The following NOTCH4 variants were observed in gnomAD, a reference collection of about 807,000 sequenced individuals.
NOTCH4 encodes the protein neurogenic locus notch homolog protein 4.
In NOTCH4, 138 loss-of-function variants were observed where a neutral mutation model predicts 189.0. That is an observed-to-expected ratio of 0.73 (90% CI 0.64 to 0.84). The LOEUF (loss-of-function observed/expected upper bound fraction) is 0.84, where lower values mean the gene tolerates loss of function less well. Ranked by LOEUF, NOTCH4 falls within the 40% of genes least tolerant of loss-of-function variation. NOTCH4 has a pLI of 0.00. For synonymous variants in NOTCH4, 942 were observed against 1,032.8 expected (o/e 0.91, Z 1.69); for missense variants, 2,286 against 2,605.4 (o/e 0.88, Z 2.67).
chr6:32,202,105 G>A lies in NOTCH4; in HGVS notation c.3726C>T (p.Gly1242=), dbSNP rs1007307088. 6 of 1,491,300 alleles carry A rather than the reference G, an allele frequency of 4.0e-6. No individual in the cohort carries two copies. Among genetic ancestry groups the A allele is most frequent in the Non-Finnish European group, 5.4e-6 (6 of 1,117,016 alleles). 92.4% of individuals were successfully genotyped at this position (1,491,300 alleles called of 1,614,324 possible). ...QCDSEECLFD[G]YDCETPPACT... is the part of the protein sequence containing the mutation. ...AGGCTGGAGGGGTCTCACAGTCGTA[G>A]CCATCAAACAGACACTCTTCAGAGT... The change falls in exon 21 of 30, where the codon GGC becomes GGT. Residue 1242 remains glycine, a synonymous_variant. Transcript: ENST00000375023. The surrounding 1 kb of genome is among the most constrained non-coding windows in gnomAD (Gnocchi z 5.7).
chr6:32,217,111 C>T lies in NOTCH4; in HGVS notation c.1738+42G>A, dbSNP rs989039283. 4.3e-6 allele frequency: 7 copies of T among 1,612,950 alleles called. No individual in the cohort carries two copies. Among genetic ancestry groups the T allele is most frequent in the Non-Finnish European group, 5.9e-6 (7 of 1,180,010 alleles). ...GTCAGGGACCTGCACGGATGTCTGC[C>T]TCCTGCTCCCGCTGTCCCCCACAGT... On this transcript the variant is annotated intron_variant, in intron 10 of 29. Transcript: ENST00000375023. This position sits in a 1 kb window ranked among gnomAD's most constrained non-coding sequence, Gnocchi z 4.2.
chr6:32,221,908 A>G lies in NOTCH4; in HGVS notation c.452-583T>C, dbSNP rs1026543492. On this transcript the variant is annotated intron_variant, in intron 3 of 29. Coordinates refer to ENST00000375023, the MANE Select transcript of NOTCH4 (RefSeq NM_004557.4). The surrounding 1 kb of genome is among the most constrained non-coding windows in gnomAD (Gnocchi z 4.3). Reference sequence around the variant, plus strand: ...CCTGTTTGTCAGCTGACAACTGAACACCAGAAAGCTAAAATATCTTATATG... The same window carrying G: ...CCTGTTTGTCAGCTGACAACTGAACGCCAGAAAGCTAAAATATCTTATATG... 6.6e-6 allele frequency among the ~76,000 whole-genome samples: 1 copy of G among 152,132 alleles called. No homozygotes were observed. Among genetic ancestry groups the G allele is most frequent in the Non-Finnish European group, 1.5e-5 (1 of 68,020 alleles).
intron 14 of NOTCH4, 95 bp from the exon 15 acceptor site, chr6:32,213,347 C>T: frequency 2.6e-6 from 2 of 762,810 alleles, no homozygotes; most frequent in Non-Finnish European, 4.4e-6. Context: ...CCCCCCACCC[C>T]CATCAAAACG....
rs1242008641 is a variant in NOTCH4 at position 32,199,143 on chromosome 6, G to A, written c.4318C>T (p.Pro1440Ser). 5.1e-6 allele frequency: 8 copies of A among 1,583,350 alleles called. No homozygotes were observed. The Middle Eastern group carries it at 8.0e-4, about 157-fold the overall frequency. The change falls in exon 24 of 30, where the codon CCC (proline) becomes TCC (serine). Residue 1440 changes from proline (P) to serine (S), a missense_variant and splice_region_variant. Physicochemically the swap from Pro to Ser is moderately conservative, Grantham distance 74. This residue lies in a region of NOTCH4 where 1,903 missense variants were observed against 2,261.9 expected (regional missense o/e 0.84). Coordinates refer to ENST00000375023, the MANE Select transcript of NOTCH4 (RefSeq NM_004557.4). The surrounding 1 kb of genome is among the most constrained non-coding windows in gnomAD (Gnocchi z 4.9). ...LAVHPHAGTAPPANQLPWPVL... is the reference protein window; with the variant it reads ...LAVHPHAGTASPANQLPWPVL... ...GGCCAGGGAAGCTGGTTGGCAGGGGGTGCTGGTGGGAGAGACAGAGTCACA... is the reference window on the plus strand; with the variant it reads ...GGCCAGGGAAGCTGGTTGGCAGGGGATGCTGGTGGGAGAGACAGAGTCACA...
In NOTCH4 at chr6:32,198,809, C is replaced by A; in HGVS notation, c.4536-79G>T. On this transcript the variant is annotated intron_variant, in intron 24 of 29. Coordinates refer to ENST00000375023, the MANE Select transcript of NOTCH4 (RefSeq NM_004557.4). This position sits in a 1 kb window ranked among gnomAD's most constrained non-coding sequence, Gnocchi z 5.5. ...CCAAAATTTCCAGCAGGCTTCCCAC[C>A]CCTCTCTCCTTCCCCTATCTTTGAC... 6.7e-7 allele frequency: 1 copy of A among 1,488,506 alleles called. No individual in the cohort carries two copies. The highest frequency in any genetic ancestry group is 9.1e-7 in the Non-Finnish European group (1 of 1,100,012). The allele number at this position is 1,488,506 out of a possible 1,614,324, so 92.2% of individuals were successfully genotyped here.
rs1051282251 is a variant in NOTCH4 at position 32,217,349 on chromosome 6, G to T, written c.1625-83C>A. ...ATGGCGCCTTCCCTTGCCAGGAAAG[G>T]TGAACTTGCAGAGCTTCCCAGAGAA... On this transcript the variant is annotated intron_variant, in intron 9 of 29. Transcript: ENST00000375023. The surrounding 1 kb of genome is among the most constrained non-coding windows in gnomAD (Gnocchi z 4.2). 22 of 871,012 alleles carry T rather than the reference G, an allele frequency of 2.5e-5. No individual in the cohort carries two copies. Among genetic ancestry groups the T allele is most frequent in the African/African-American group, 1.7e-4 (10 of 60,534 alleles). The allele number at this position is 871,012 out of a possible 1,614,324, so 54.0% of individuals were successfully genotyped here. A position where few individuals can be genotyped will look rare whatever the true frequency, so the allele number is the denominator to read the frequency against.
At chr6:32,213,303 T>C (rs1789152559) in intron 14 of NOTCH4, 51 bp from the exon 15 acceptor site, 1 of 1,296,990 alleles carries the variant, frequency 7.7e-7, no homozygotes. Context: ...TAACCTGGCC[T>C]GTGACCTCAG....
Position 32,210,041 on chromosome 6 carries a change from A to G in NOTCH4, c.2865+711T>C, listed in dbSNP as rs1342566246. Among the ~76,000 whole-genome samples the G allele has an allele frequency of 1.3e-5, 2 of 152,218 alleles. No individual in the cohort carries two copies. Among genetic ancestry groups the G allele is most frequent in the Non-Finnish European group, 2.9e-5 (2 of 68,040 alleles). On this transcript the variant is annotated intron_variant, in intron 18 of 29. Transcript: ENST00000375023. This position sits in a 1 kb window ranked among gnomAD's most constrained non-coding sequence, Gnocchi z 4.8. The stretch of plus-strand genomic sequence containing the variant: ...TATGAATCAGGCTGCTTAGACTTGA[A>G]TGCCAGCTTTGCCTCTCCTGGCTTA...
intron 28 of NOTCH4, among the ~76,000 whole-genome samples, chr6:32,196,706 A>G (rs1028088608): frequency 2.0e-5 from 3 of 148,136 alleles, no homozygotes; most frequent in Non-Finnish European, 3.0e-5. Flanking sequence ...GTTCCATGCC[A>G]GTTCCCCAGT....
chr6:32,223,532 C>A (rs575860967), intron 1 of NOTCH4, among the ~76,000 whole-genome samples: 3 of 152,194 alleles, frequency 2.0e-5, no homozygotes, highest in Admixed American at 6.5e-5. Context: ...CTCTCATCTC[C>A]TCCCCAAGCA....
Position 32,196,139 on chromosome 6 carries a change from C to T in NOTCH4, c.5310G>A (p.Pro1770=). The T allele has an allele frequency of 6.3e-7, 1 of 1,589,112 alleles. No homozygotes were observed. Among genetic ancestry groups the T allele is most frequent in the Non-Finnish European group, 8.5e-7 (1 of 1,174,394 alleles). Residue 1770 remains proline (P), a synonymous_variant, in exon 30 of 30, where the codon CCG becomes CCA. Transcript: ENST00000375023. The part of the protein sequence containing the change: ...KDAQDNREQT[P]LFLAAREGAV... Reference sequence around the variant, plus strand: ...CTCCTTCCCGCGCCGCCAGGAATAGCGGCGTCTGCTCCTGTACAGAAGAGC... The same window carrying T: ...CTCCTTCCCGCGCCGCCAGGAATAGTGGCGTCTGCTCCTGTACAGAAGAGC...
In NOTCH4 at chr6:32,198,433, T is replaced by G. The variant is rs766823722; in HGVS notation, c.4744A>C (p.Thr1582Pro). 6.8e-6 allele frequency: 11 copies of G among 1,612,212 alleles called. No individual in the cohort carries two copies. In the Admixed American group the frequency reaches 1.7e-4, roughly 24 times the overall value. The change falls in exon 26 of 30, where the codon ACC becomes CCC. Residue 1582 changes from threonine (T) to proline (P), a missense_variant. Transcript: ENST00000375023. The surrounding 1 kb of genome is among the most constrained non-coding windows in gnomAD (Gnocchi z 5.5). ...ESEMEAPDLD[T>P]RGPDGVTPLM... ...TTGACTCACATACCAGGTCCACGGGTGTCCAGGTCAGGGGCTTCCATCTCA... is the reference window on the plus strand; with the variant it reads ...TTGACTCACATACCAGGTCCACGGGGGTCCAGGTCAGGGGCTTCCATCTCA...
At chr6:32,219,486 C>T (rs1421559220) in intron 8 of NOTCH4, 106 bp downstream of exon 8, 1 of 1,047,518 alleles carries the variant, frequency 9.5e-7, no homozygotes, top group African/African-American at 1.6e-5. Context: ...TCTGTGGTAA[C>T]TTACGCCAAT....
At position 32,212,775 on chromosome 6, in the gene NOTCH4, C is replaced by A; in HGVS notation, c.2526+49G>T. 6.8e-7 allele frequency: 1 copy of A among 1,468,594 alleles called. No homozygotes were observed. The highest frequency in any genetic ancestry group is 1.4e-5 in the South Asian group (1 of 73,114). The allele number at this position is 1,468,594 out of a possible 1,614,324, so 91.0% of individuals were successfully genotyped here. A position where few individuals can be genotyped will look rare whatever the true frequency, so the allele number is the denominator to read the frequency against. On this transcript the variant is annotated intron_variant, in intron 16 of 29. Coordinates refer to ENST00000375023, the MANE Select transcript of NOTCH4 (RefSeq NM_004557.4). The surrounding 1 kb of genome is among the most constrained non-coding windows in gnomAD (Gnocchi z 4.4). ...GGACCAGGTGACCCTCCCTGGTTTC[C>A]CTCCCAGCCACTTCCCTCCTCAGCA...
intron 18 of NOTCH4, among the ~76,000 whole-genome samples, chr6:32,209,965 AAAG>A (rs1170972813): frequency 6.6e-6 from 1 of 152,192 alleles, no homozygotes; most frequent in African/African-American, 2.4e-5. Flanking sequence ...GTCAATAACA[AAAG>A]AAAATAAAAT....
chr6:32,201,999 C>T lies in NOTCH4; in HGVS notation c.3755+77G>A. ...GCCCAAGGCTGTGGCCACACTGTAA[C>T]TCAGAGCCATCTACGTCCTTCCTCC... is the stretch of plus-strand genomic sequence containing the variant. On this transcript the variant is annotated intron_variant, in intron 21 of 29. Coordinates refer to ENST00000375023, the MANE Select transcript of NOTCH4 (RefSeq NM_004557.4). This position sits in a 1 kb window ranked among gnomAD's most constrained non-coding sequence, Gnocchi z 5.5. The T allele has an allele frequency of 7.4e-7, 1 of 1,353,898 alleles. No homozygotes were observed. Among genetic ancestry groups the T allele is most frequent in the East Asian group, 2.4e-5 (1 of 40,840 alleles). The allele number at this position is 1,353,898 out of a possible 1,614,324, so 83.9% of individuals were successfully genotyped here. A position where few individuals can be genotyped will look rare whatever the true frequency, so the allele number is the denominator to read the frequency against.
chr6:32,201,626 G>A lies in NOTCH4; in HGVS notation c.3756-126C>T. On this transcript the variant is annotated intron_variant, in intron 21 of 29. Transcript: ENST00000375023. The surrounding 1 kb of genome is among the most constrained non-coding windows in gnomAD (Gnocchi z 5.5). Reference sequence around the variant, plus strand: ...GTTGCTAAGTGGGGGCAGCTGTGGAGCAATGAGCTTAGTCAAGTCCTGGAT... The same window carrying A: ...GTTGCTAAGTGGGGGCAGCTGTGGAACAATGAGCTTAGTCAAGTCCTGGAT... 5.6e-6 allele frequency: 5 copies of A among 898,728 alleles called. No homozygotes were observed. The South Asian group carries it at 1.4e-4, about 26-fold the overall frequency. 55.7% of individuals were successfully genotyped at this position (898,728 alleles called of 1,614,324 possible).
Position 32,195,737 on chromosome 6 carries a change from T to C in NOTCH4, c.5712A>G (p.Gly1904=), listed in dbSNP as rs1272036483. ...CGCGAGGGGTCGGGCCTCCTCCTGCTCCTACTCCCGAGAGGCTCCGGCAAT... is the reference window on the plus strand; with the variant it reads ...CGCGAGGGGTCGGGCCTCCTCCTGCCCCTACTCCCGAGAGGCTCCGGCAAT... ...YSHCRSLSGV[G]AGGGPTPRGR... Residue 1904 remains glycine (G), a synonymous_variant, in exon 30 of 30, where the codon GGA becomes GGG. Transcript: ENST00000375023. This position sits in a 1 kb window ranked among gnomAD's most constrained non-coding sequence, Gnocchi z 5.4. 6.2e-7 allele frequency: 1 copy of C among 1,612,350 alleles called. No homozygotes were observed. The highest frequency in any genetic ancestry group is 2.2e-5 in the East Asian group (1 of 44,874).
chr6:32,205,952 G>T lies in NOTCH4; in HGVS notation c.2866-1563C>A, dbSNP rs9469090. ...CTGGGGAGGCTGAGGCAGGTGAATT[G>T]CTTGAGCCCGGGAGGTAGAGGTTGC... On this transcript the variant is annotated intron_variant, in intron 18 of 29. Transcript: ENST00000375023. Among the ~76,000 whole-genome samples the T allele has an allele frequency of 4.2e-3, 634 of 152,090 alleles. 1 individual carries two copies. Among genetic ancestry groups the T allele is most frequent in the African/African-American group, 0.012 (482 of 41,514 alleles).
Sources: allele counts gnomAD v4.1 joint callset (sites outside exome capture counted in the v4.1 genomes callset), GRCh38; gene constraint gnomAD v4.1.1; regional missense constraint gnomAD v4.1.1; non-coding constraint Gnocchi (gnomAD v3.1); transcripts MANE v1.5; gene names NCBI Gene and HGNC (gene_info 2026-07-23, HGNC 2026-07-21).